SPIDR: variants seen among roughly 807,000 people sequenced by gnomAD.
The protein encoded by SPIDR is DNA repair-scaffolding protein.
Under a neutral mutation model 104.6 loss-of-function variants are expected in SPIDR, and 93 were observed. The ratio of observed to expected loss-of-function variants is 0.89; its 90% CI spans 0.75 to 1.06. The LOEUF (loss-of-function observed/expected upper bound fraction) is 1.06. Ranked by LOEUF, SPIDR falls within the 50% of genes least tolerant of loss-of-function variation. SPIDR has a pLI of 0.00. For missense variants in SPIDR, 1,154 were observed against 1,111.2 expected (o/e 1.04, Z -0.55); for synonymous variants, 431 against 416.9 (o/e 1.03, Z -0.41).
At chr8:47,647,651 A>AGAGAGAGAGAGAGAGAGAGG (rs1563416092) in intron 10 of SPIDR, among the ~76,000 whole-genome samples, 4 of 121,974 alleles carry the variant, frequency 3.3e-5, no homozygotes, top group African/African-American at 8.5e-5. Context: ...AGAGAGAGAG[A>AGAGAGAGAGAGAGAGAGAGG]GAGGGAGAGA....
intron 8 of SPIDR, among the ~76,000 whole-genome samples, chr8:47,475,815 G>A (rs940823902): frequency 1.3e-5 from 2 of 152,104 alleles, no homozygotes; most frequent in South Asian, 2.1e-4. Context: ...TCCGCCCCCC[G>A]CACCCCTTTT....
intron 16 of SPIDR, among the ~76,000 whole-genome samples, chr8:47,720,336 G>A (rs2083218837): frequency 6.6e-6 from 1 of 152,160 alleles, no homozygotes; most frequent in South Asian, 2.1e-4. Context: ...TCAACTCGTG[G>A]GTAAATACCA....
At chr8:47,704,008 A>G (rs2154484828) in intron 14 of SPIDR, among the ~76,000 whole-genome samples, 1 of 152,330 alleles carries the variant, frequency 6.6e-6, no homozygotes, top group East Asian at 1.9e-4. Context: ...AAGTACTTTA[A>G]GGCTTTATCT....
intron 10 of SPIDR, among the ~76,000 whole-genome samples, chr8:47,603,737 T>C (rs1283863118): frequency 4.6e-5 from 7 of 152,154 alleles, no homozygotes; most frequent in Non-Finnish European, 1.0e-4. Flanking sequence ...GCAAATTCTT[T>C]CTTGCCCTTC....
chr8:47,610,780 T>C (rs1340715488), intron 10 of SPIDR, among the ~76,000 whole-genome samples: 1 of 152,236 alleles, frequency 6.6e-6, no homozygotes, highest in African/African-American at 2.4e-5. Flanking sequence ...CTTCCTCACT[T>C]GCTGCTCTGG....
At chr8:47,446,428 T>A (rs1259802527) in intron 8 of SPIDR, among the ~76,000 whole-genome samples, 2 of 152,106 alleles carry the variant, frequency 1.3e-5, no homozygotes, top group African/African-American at 4.8e-5. Context: ...TACCCCTCAT[T>A]GACAATGCAC....
intron 7 of SPIDR, among the ~76,000 whole-genome samples, chr8:47,414,027 C>G (rs2063883505): frequency 6.6e-6 from 1 of 152,094 alleles, no homozygotes; most frequent in Non-Finnish European, 1.5e-5. Flanking sequence ...AAAAATCTTA[C>G]AAAATGTAGG....
chr8:47,349,942 C>T (rs781814968), intron 5 of SPIDR, among the ~76,000 whole-genome samples: 4 of 152,298 alleles, frequency 2.6e-5, no homozygotes, highest in African/African-American at 9.6e-5. Flanking sequence ...GGCGATGCCC[C>T]GCCCTGCTTC....
chr8:47,422,023 A>T (rs549051925), intron 7 of SPIDR, among the ~76,000 whole-genome samples: 7 of 152,300 alleles, frequency 4.6e-5, no homozygotes, highest in Admixed American at 3.3e-4. Flanking sequence ...GCCCCTACTC[A>T]GGGGTGCCTC....
At position 47,466,897 on chromosome 8, in the gene SPIDR, A is replaced by AT. The variant is rs1554717475; in HGVS notation, c.1097+26355_1097+26356insT. On this transcript the variant is annotated intron_variant, in intron 8 of 19. Coordinates refer to ENST00000297423, the MANE Select transcript of SPIDR (RefSeq NM_001080394.4). Reference sequence around the variant, plus strand: ...GAGTTAGTTTTTTTTGAAAAAAAAAAAAAATATATATATATATAGATAGAT... The same window carrying AT: ...GAGTTAGTTTTTTTTGAAAAAAAAAATAAAATATATATATATATAGATAGAT... Among the ~76,000 whole-genome samples, 22 of 88,256 alleles carry AT rather than the reference A, an allele frequency of 2.5e-4. 1 individual carries two copies. The highest frequency in any genetic ancestry group is 5.8e-4 in the Admixed American group (5 of 8,596). The allele number at this position is 88,256 out of a possible 152,430, so 57.9% of individuals were successfully genotyped here. A position where few individuals can be genotyped will look rare whatever the true frequency, so the allele number is the denominator to read the frequency against.
chr8:47,607,406 A>G (rs2063093244), intron 10 of SPIDR, among the ~76,000 whole-genome samples: 1 of 152,068 alleles, frequency 6.6e-6, no homozygotes, highest in Admixed American at 6.5e-5. Context: ...AGTTATTGGC[A>G]GTCCTTATGA....
intron 10 of SPIDR, among the ~76,000 whole-genome samples, chr8:47,663,737 C>T (rs891955768): frequency 6.6e-6 from 1 of 152,212 alleles, no homozygotes; most frequent in African/African-American, 2.4e-5. Context: ...ACTCTCAAGA[C>T]TTATAAATAA....
intron 10 of SPIDR, among the ~76,000 whole-genome samples, chr8:47,642,832 C>G (rs923785901): frequency 1.3e-5 from 2 of 152,120 alleles, no homozygotes; most frequent in African/African-American, 4.8e-5. Context: ...TCGTTTGAGG[C>G]CAGGAGCTCA....
intron 8 of SPIDR, among the ~76,000 whole-genome samples, chr8:47,574,512 C>T (rs1024506031): frequency 2.0e-5 from 3 of 152,104 alleles, no homozygotes; most frequent in African/African-American, 7.2e-5. Flanking sequence ...AATCTCAGCA[C>T]TTTTGGAGGC....
chr8:47,397,005 A>G (rs1291235731), intron 6 of SPIDR, among the ~76,000 whole-genome samples: 2 of 152,112 alleles, frequency 1.3e-5, no homozygotes, highest in African/African-American at 4.8e-5. Context: ...GCAAAAAAGT[A>G]TGAGAGAGCA....
chr8:47,477,037 A>G (rs2076368419), intron 8 of SPIDR, among the ~76,000 whole-genome samples: 1 of 152,204 alleles, frequency 6.6e-6, no homozygotes, highest in Non-Finnish European at 1.5e-5. Flanking sequence ...GTGAAATTGT[A>G]TATTCTGTAG....
intron 16 of SPIDR, among the ~76,000 whole-genome samples, chr8:47,721,969 GA>G (rs1187390725): frequency 1.3e-5 from 2 of 152,062 alleles, no homozygotes; most frequent in East Asian, 3.9e-4. Context: ...ATCAGGTGGG[GA>G]AAAAATGACA....
chr8:47,319,435 A>C (rs1554592834), intron 5 of SPIDR, among the ~76,000 whole-genome samples: 2 of 152,190 alleles, frequency 1.3e-5, no homozygotes, highest in East Asian at 3.8e-4. Flanking sequence ...GAGCACCCAG[A>C]TTCATAAAGC....
chr8:47,469,676 C>G (rs1290285278), intron 8 of SPIDR, among the ~76,000 whole-genome samples: 4 of 152,026 alleles, frequency 2.6e-5, no homozygotes, highest in Non-Finnish European at 5.9e-5. Context: ...ATTATGAGAA[C>G]ACATTGACAC....
Sources: gnomAD v4.1 joint callset for allele counts (sites outside exome capture counted in the v4.1 genomes callset) on GRCh38, gnomAD v4.1.1 for gene constraint, MANE v1.5 for transcripts, NCBI Gene and HGNC (gene_info 2026-07-23, HGNC 2026-07-21) for gene names.